The following NPC2 variants were observed in gnomAD, a reference collection of about 807,000 sequenced individuals.
The protein encoded by NPC2 is Niemann-Pick disease type C2 protein.
Under a neutral mutation model 17.0 loss-of-function variants are expected in NPC2, and 14 were observed. The ratio of observed to expected loss-of-function variants is 0.82; its 90% confidence interval spans 0.54 to 1.29. NPC2 has a LOEUF of 1.29. Ranked by LOEUF, NPC2 falls within the 50% of genes most tolerant of loss-of-function variation. The pLI is 0.00. For synonymous variants in NPC2, 75 were observed against 69.3 expected (o/e 1.08, Z -0.41); for missense variants, 167 against 183.4 (o/e 0.91, Z 0.52).
At chr14:74,487,111 C>T (rs953187300) in intron 1 of NPC2, among the ~76,000 whole-genome samples, 5 of 151,160 alleles carry the variant, frequency 3.3e-5, no homozygotes, top group Non-Finnish European at 5.9e-5. Flanking sequence ...CCATCATGCC[C>T]GGCTAAGTTT....
intron 3 of NPC2, chr14:74,482,917 A>G: frequency 6.4e-6 from 3 of 471,206 alleles, no homozygotes; most frequent in Non-Finnish European, 1.2e-5. Flanking sequence ...AGGAGGGAGG[A>G]GGAGGTGGAG....
At position 74,493,240 on chromosome 14, in the gene NPC2, G is replaced by A. The variant is rs981046790; in HGVS notation, c.35C>T (p.Ala12Val). 6.2e-7 allele frequency: 1 copy of A among 1,613,218 alleles called. No homozygotes were observed. Among genetic ancestry groups the A allele is most frequent in the Non-Finnish European group, 8.5e-7 (1 of 1,179,712 alleles). Residue 12 changes from alanine to valine, a missense_variant, in exon 1 of 5, where the codon GCG becomes GTG. By Grantham distance (64) the Ala-to-Val change is moderately conservative (BLOSUM62 0). Transcript: ENST00000555619. The surrounding 1 kb of genome is among the most constrained non-coding windows in gnomAD (Gnocchi z 4.1). Reference sequence around the variant, plus strand: ...TTCGGCCTGGGCAGCGGTGCTGAGCGCCAGGAGCAGGAATGTAGCTGCCAG... The same window carrying A: ...TTCGGCCTGGGCAGCGGTGCTGAGCACCAGGAGCAGGAATGTAGCTGCCAG... ...RFLAATFLLL[A>V]LSTAAQAEPV... is the part of the protein sequence containing the mutation.
intron 1 of NPC2, among the ~76,000 whole-genome samples, chr14:74,491,239 A>G (rs1479562888): frequency 1.3e-5 from 2 of 151,916 alleles, no homozygotes; most frequent in East Asian, 3.9e-4. Flanking sequence ...TGCCCAGCTA[A>G]TTTTTGTATT....
chr14:74,480,767 C>A lies in NPC2; in HGVS notation c.376G>T (p.Val126Leu). The A allele has an allele frequency of 1.2e-6, 2 of 1,613,530 alleles. No homozygotes were observed. Among genetic ancestry groups the A allele is most frequent in the Non-Finnish European group, 1.7e-6 (2 of 1,179,468 alleles). Residue 126 changes from valine to leucine, a missense_variant, in exon 4 of 5, where the codon GTG becomes TTG. Physicochemically the swap from Val to Leu is conservative, Grantham distance 32. Coordinates refer to ENST00000555619, the MANE Select transcript of NPC2 (RefSeq NM_006432.5). ...TTGTCATCCTGAAGTTGCCACTCCA[C>A]CACCAGTTTTATCTGGAGAAAGAGA... ...KSEYPSIKLV[V>L]EWQLQDDKNQ...
intron 1 of NPC2, among the ~76,000 whole-genome samples, chr14:74,490,804 C>T (rs954108295): frequency 6.6e-6 from 1 of 152,246 alleles, no homozygotes; most frequent in African/African-American, 2.4e-5. Context: ...GTCTTTATAT[C>T]ATATTTCCCA....
Position 74,493,130 on chromosome 14 carries a change from C to A in NPC2, c.82+63G>T, listed in dbSNP as rs534852132. 4 of 1,551,220 alleles carry A rather than the reference C, an allele frequency of 2.6e-6. No homozygotes were observed. The African/African-American group carries it at 5.4e-5, about 21-fold the overall frequency. ...CCCAGCCCAGCCCCAGGGGTCTCAG[C>A]GCGGGGGTCCGGCGGGGCCTTCCAC... is the stretch of plus-strand genomic sequence containing the variant. On this transcript the variant is annotated intron_variant, in intron 1 of 4. Transcript: ENST00000555619. The surrounding 1 kb of genome is among the most constrained non-coding windows in gnomAD (Gnocchi z 4.1).
intron 4 of NPC2, 193 bp downstream of exon 4, chr14:74,480,509 T>A (rs1264728666): frequency 7.9e-6 from 6 of 760,902 alleles, no homozygotes; most frequent in East Asian, 4.9e-5. Context: ...TTTTTTTTTT[T>A]AACAAAGGAT....
At chr14:74,480,318 A>G in intron 4 of NPC2, 30 bp from the exon 5 acceptor site, 3 of 1,591,210 alleles carry the variant, frequency 1.9e-6, no homozygotes, top group Non-Finnish European at 2.6e-6. Context: ...GCTCAGTGGA[A>G]GTGGTTTGGA....
rs775858937 is a variant in NPC2 at position 74,480,105 on chromosome 14, T to C, written c.*169A>G. 398 of 1,549,654 alleles carry C rather than the reference T, an allele frequency of 2.6e-4. 1 individual carries two copies. The highest frequency in any genetic ancestry group is 3.3e-4 in the Non-Finnish European group (376 of 1,151,614). On this transcript the variant is annotated 3_prime_UTR_variant, in exon 5 of 5. Coordinates refer to ENST00000555619, the MANE Select transcript of NPC2 (RefSeq NM_006432.5). ...AGAAAAAGAGACATGAGACAACCAC[T>C]GAGAACCAGCCACCCGGAGCTCAGT...
rs114184862 is a variant in NPC2 at position 74,484,847 on chromosome 14, C to T, written c.191-260G>A. 6.1e-3 allele frequency among the ~76,000 whole-genome samples: 917 copies of T among 149,888 alleles called. 12 individuals are homozygous for T. Among genetic ancestry groups the T allele is most frequent in the African/African-American group, 0.021 (878 of 40,972 alleles). On this transcript the variant is annotated intron_variant, in intron 2 of 4. Coordinates refer to ENST00000555619, the MANE Select transcript of NPC2 (RefSeq NM_006432.5). The stretch of plus-strand genomic sequence containing the variant: ...GCCCTTCACAGTTTCTTAGGAGAAT[C>T]AGAGATACCTGGATAAACAACCTTA...
intron 3 of NPC2, 114 bp from the exon 4 acceptor site, chr14:74,480,893 CT>C: frequency 7.8e-6 from 7 of 898,768 alleles, no homozygotes; most frequent in East Asian, 2.4e-5. Flanking sequence ...ACTCCTCATA[CT>C]TTTTTTCTTA....
chr14:74,480,651 C>T (rs1595220313), intron 4 of NPC2, 51 bp downstream of exon 4: 2 of 1,411,176 alleles, frequency 1.4e-6, no homozygotes, highest in East Asian at 4.6e-5. Flanking sequence ...TCTGATTTCT[C>T]CTCCACTTTC....
intron 1 of NPC2, among the ~76,000 whole-genome samples, chr14:74,489,522 T>C (rs1595226123): frequency 7.2e-6 from 1 of 139,294 alleles, no homozygotes; most frequent in African/African-American, 2.8e-5. Context: ...TTTGGGAACC[T>C]GCGTTCTTAA....
chr14:74,490,175 G>C (rs2053094704), intron 1 of NPC2, among the ~76,000 whole-genome samples: 1 of 152,232 alleles, frequency 6.6e-6, no homozygotes, highest in Non-Finnish European at 1.5e-5. Context: ...CTGCTATGCA[G>C]TCAGTCACCA....
intron 1 of NPC2, 109 bp from the exon 2 acceptor site, chr14:74,486,545 C>G (rs965630680): frequency 6.1e-6 from 5 of 821,274 alleles, no homozygotes; most frequent in East Asian, 5.3e-5. Context: ...AGGGTCAACT[C>G]ATTCTCCTCG....
intron 1 of NPC2, 69 bp from the exon 2 acceptor site, chr14:74,486,505 C>A (rs1286306638): frequency 1.6e-6 from 2 of 1,269,364 alleles, no homozygotes; most frequent in African/African-American, 1.5e-5. Context: ...TGCCCACCAC[C>A]TAATGGGAAG....
chr14:74,488,455 C>A (rs1407141371), intron 1 of NPC2, among the ~76,000 whole-genome samples: 1 of 152,164 alleles, frequency 6.6e-6, no homozygotes, highest in East Asian at 1.9e-4. Context: ...GTGGCTCATG[C>A]CTATAATCCC....
chr14:74,488,016 C>G (rs2086731308), intron 1 of NPC2, among the ~76,000 whole-genome samples: 1 of 152,164 alleles, frequency 6.6e-6, no homozygotes, highest in Non-Finnish European at 1.5e-5. Flanking sequence ...TTACCGGAAC[C>G]TGAAAGAAGC....
At position 74,493,295 on chromosome 14, in the gene NPC2, G is replaced by A; in HGVS notation, c.-21C>T. The A allele has an allele frequency of 2.5e-6, 4 of 1,610,056 alleles. No individual in the cohort carries two copies. Among genetic ancestry groups the A allele is most frequent in the Non-Finnish European group, 3.4e-6 (4 of 1,178,620 alleles). ...CGCATCGCGGATAACGAAGTTCCAA[G>A]CTCGGGAAAGAAGCAGCGGCCGCCC... On this transcript the variant is annotated 5_prime_UTR_variant, in exon 1 of 5. Coordinates refer to ENST00000555619, the MANE Select transcript of NPC2 (RefSeq NM_006432.5). This position sits in a 1 kb window ranked among gnomAD's most constrained non-coding sequence, Gnocchi z 4.1.
Sources: gnomAD v4.1 joint callset for allele counts (sites outside exome capture counted in the v4.1 genomes callset) on GRCh38, gnomAD v4.1.1 for gene constraint, Gnocchi (gnomAD v3.1) non-coding constraint, MANE v1.5 for transcripts, NCBI Gene and HGNC (gene_info 2026-07-23, HGNC 2026-07-21) for gene names.